Variants in CREB5 observed in about 807,000 individuals in gnomAD.
CREB5 encodes the protein cyclic AMP-responsive element-binding protein 5.
A neutral mutation model predicts 57.1 loss-of-function variants in CREB5; 19 were observed. The ratio of observed to expected loss-of-function variants is 0.33; its 90% CI spans 0.23 to 0.49. The LOEUF (loss-of-function observed/expected upper bound fraction) is 0.49. Ranked by LOEUF, CREB5 falls within the 20% of genes least tolerant of loss-of-function variation. The pLI is 0.99. For missense variants in CREB5, 579 were observed against 671.6 expected, an observed-to-expected ratio of 0.86 and a Z score of 1.52; for synonymous variants, 238 against 238.3, an observed-to-expected ratio of 1.00 and a Z score of 0.01.
At chr7:28,382,670 G>A (rs1422843826) in intron 1 of CREB5, among the ~76,000 whole-genome samples, 5 of 151,930 alleles carry the variant, frequency 3.3e-5, no homozygotes, top group Admixed American at 6.6e-5. Context: ...CGTCAGCCCC[G>A]GTTGGTGCTC....
At chr7:28,666,477 C>T (rs1235011324) in intron 5 of CREB5, among the ~76,000 whole-genome samples, 6 of 152,288 alleles carry the variant, frequency 3.9e-5, no homozygotes, top group African/African-American at 7.2e-5. Context: ...CTGATGTTAA[C>T]GGATCCTTTA....
At chr7:28,306,808 G>T (rs1247650513) in intron 1 of CREB5, among the ~76,000 whole-genome samples, 1 of 151,982 alleles carries the variant, frequency 6.6e-6, no homozygotes, top group African/African-American at 2.4e-5. Flanking sequence ...TGATCCGCCC[G>T]CCTCGGCCTC....
rs1788510035 is a variant in CREB5, at chr7:28,426,327, C to T, written c.3+13410C>T. On this transcript the variant is annotated intron_variant, in intron 1 of 10. Coordinates refer to ENST00000357727, the MANE Select transcript of CREB5 (RefSeq NM_182898.4). The stretch of plus-strand genomic sequence containing the variant: ...GTTTGGTCCCAGTTTTGTCTGGTCG[C>T]TGAGCTCATACTCTGTCCATTCTAG... Among the ~76,000 whole-genome samples the T allele has an allele frequency of 2.0e-5, 3 of 152,346 alleles. No homozygotes were observed. The South Asian group carries it at 6.2e-4, about 32-fold the overall frequency.
chr7:28,797,666 C>T (rs560862949), intron 7 of CREB5, among the ~76,000 whole-genome samples: 17 of 152,320 alleles, frequency 1.1e-4, no homozygotes, highest in African/African-American at 3.4e-4. Flanking sequence ...ATGCACAGCA[C>T]GGAACTGTTG....
At chr7:28,786,538 GCGC>G (rs1807338182) in intron 7 of CREB5, among the ~76,000 whole-genome samples, 5 of 152,074 alleles carry the variant, frequency 3.3e-5, no homozygotes, top group Admixed American at 2.0e-4. Context: ...GTGAGCCACT[GCGC>G]CAGGCCTATG....
intron 1 of CREB5, among the ~76,000 whole-genome samples, chr7:28,438,628 CAT>C (rs1305344866): frequency 1.2e-4 from 18 of 152,258 alleles, no homozygotes; most frequent in African/African-American, 4.1e-4. Flanking sequence ...TTTTACTTGA[CAT>C]GTGAAGCTTT....
In CREB5 at chr7:28,823,884, A is replaced by G. The variant is rs1809922777; in HGVS notation, c.*4605A>G. 6.6e-6 allele frequency: 1 copy of G among 152,622 alleles called. No homozygotes were observed. Among genetic ancestry groups the G allele is most frequent in the South Asian group, 2.1e-4 (1 of 4,826 alleles). The allele number at this position is 152,622 out of a possible 1,614,324, so 9.5% of individuals were successfully genotyped here. A position where few individuals can be genotyped will look rare whatever the true frequency, so the allele number is the denominator to read the frequency against. On this transcript the variant is annotated 3_prime_UTR_variant, in exon 11 of 11. Transcript: ENST00000357727. ...AAACAACCCATTTAAATTTGAATAA[A>G]ACCGTGCCTATGCGAACAGTAGCAA...
At chr7:28,641,865 T>C (rs1346027722) in intron 5 of CREB5, among the ~76,000 whole-genome samples, 2 of 152,216 alleles carry the variant, frequency 1.3e-5, no homozygotes, top group Non-Finnish European at 2.9e-5. Flanking sequence ...GGATGGATCA[T>C]GGAAACCAGA....
chr7:28,365,847 G>A (rs1583400390), intron 1 of CREB5, among the ~76,000 whole-genome samples: 1 of 151,774 alleles, frequency 6.6e-6, no homozygotes, highest in Non-Finnish European at 1.5e-5. Context: ...TACTCATATA[G>A]CACCTATAAA....
chr7:28,370,445 G>T (rs1177712810), intron 1 of CREB5, among the ~76,000 whole-genome samples: 2 of 152,136 alleles, frequency 1.3e-5, no homozygotes, highest in African/African-American at 4.8e-5. Flanking sequence ...TGTTTGGGAG[G>T]ATAAAAGTGA....
intron 5 of CREB5, among the ~76,000 whole-genome samples, chr7:28,711,658 A>G (rs1322212289): frequency 6.6e-6 from 1 of 152,242 alleles, no homozygotes; most frequent in South Asian, 2.1e-4. Flanking sequence ...TTGTGGAAAT[A>G]TTCTCAAGGG....
chr7:28,560,955 T>TGCGC (rs1562798093), intron 4 of CREB5, among the ~76,000 whole-genome samples: 1 of 22,144 alleles, frequency 4.5e-5, no homozygotes, highest in Non-Finnish European at 9.1e-5. Context: ...TGTGTGCGTG[T>TGCGC]GTGTGCGTGT....
intron 1 of CREB5, among the ~76,000 whole-genome samples, chr7:28,470,298 T>A (rs1165796918): frequency 6.6e-6 from 1 of 152,180 alleles, no homozygotes; most frequent in African/African-American, 2.4e-5. Context: ...GATTTTTAGA[T>A]CCCATGAAGA....
At chr7:28,490,646 C>T (rs916623486) in intron 2 of CREB5, among the ~76,000 whole-genome samples, 28 of 152,246 alleles carry the variant, frequency 1.8e-4, no homozygotes, top group African/African-American at 6.0e-4. Context: ...GTGTGTTGTA[C>T]GACGTTTAGC....
intron 5 of CREB5, among the ~76,000 whole-genome samples, chr7:28,587,888 G>T (rs1161520270): frequency 6.6e-6 from 1 of 152,086 alleles, no homozygotes; most frequent in Non-Finnish European, 1.5e-5. Flanking sequence ...CACAGATTTT[G>T]CCCTTTCCCC....
At chr7:28,814,744 A>G (rs1809328314) in intron 9 of CREB5, among the ~76,000 whole-genome samples, 1 of 151,998 alleles carries the variant, frequency 6.6e-6, no homozygotes. Flanking sequence ...CAGCTTGGGA[A>G]CTCAAACCCT....
intron 7 of CREB5, among the ~76,000 whole-genome samples, chr7:28,734,611 A>G (rs1196849442): frequency 1.3e-5 from 2 of 152,192 alleles, no homozygotes; most frequent in African/African-American, 4.8e-5. Flanking sequence ...AAGACAAAAA[A>G]ATCTGAAACT....
At chr7:28,399,002 C>A (rs115750544) in intron 1 of CREB5, among the ~76,000 whole-genome samples, 3,235 of 152,266 alleles carry the variant, frequency 0.021, 126 homozygotes, top group African/African-American at 0.074. Context: ...AAGCATGAGC[C>A]ACCGCACCTG....
At chr7:28,398,870 C>G (rs951746801) in intron 1 of CREB5, among the ~76,000 whole-genome samples, 26 of 152,198 alleles carry the variant, frequency 1.7e-4, no homozygotes, top group African/African-American at 6.3e-4. Context: ...CACTACCACA[C>G]CTGGCTAATT....
Sources: gnomAD v4.1 joint callset for allele counts (sites outside exome capture counted in the v4.1 genomes callset) on GRCh38, gnomAD v4.1.1 for gene constraint, MANE v1.5 for transcripts, NCBI Gene and HGNC (gene_info 2026-07-23, HGNC 2026-07-21) for gene names.